The following ABCA6 variants were observed in gnomAD, a reference collection of about 807,000 sequenced individuals.
The protein encoded by ABCA6 is ATP-binding cassette sub-family A member 6.
Under a neutral mutation model 191.2 loss-of-function variants are expected in ABCA6, and 164 were observed. The ratio of observed to expected loss-of-function variants is 0.86; its 90% CI spans 0.76 to 0.98. The LOEUF is 0.98. Ranked by LOEUF, ABCA6 falls within the 50% of genes least tolerant of loss-of-function variation. The pLI is 0.00. For missense variants in ABCA6, 1,958 were observed against 1,894.1 expected (o/e 1.03, Z -0.63); for synonymous variants, 636 against 647.7 (o/e 0.98, Z 0.27).
At chr17:69,127,984 A>T (rs1212067909) in intron 8 of ABCA6, among the ~76,000 whole-genome samples, 1 of 152,166 alleles carries the variant, frequency 6.6e-6, no homozygotes, top group Non-Finnish European at 1.5e-5. Context: ...TGTTGAATGA[A>T]AAAAGAGATT....
Position 69,079,241 on chromosome 17 carries a change from T to C in ABCA6, c.4721A>G (p.Glu1574Gly). 6.2e-7 allele frequency: 1 copy of C among 1,607,708 alleles called. No homozygotes were observed. Among genetic ancestry groups the C allele is most frequent in the African/African-American group, 1.3e-5 (1 of 74,930 alleles). The change falls in exon 38 of 39, where the codon GAA (glutamate) becomes GGA (glycine). Residue 1574 changes from glutamate (E) to glycine (G), a missense_variant. Glu to Gly is a moderately conservative substitution (Grantham distance 98). Coordinates refer to ENST00000284425, the MANE Select transcript of ABCA6 (RefSeq NM_080284.3). ...EAVKHNFNLE[E>G]YSLSQCTLEK... ...CAGTGTGCACTGAGAAAGGCTGTAT[T>C]CTTCCAGGTTAAAGTTATGCTTCAC... is the stretch of plus-strand genomic sequence containing the variant.
chr17:69,115,388 C>G lies in ABCA6; in HGVS notation c.1594G>C (p.Val532Leu), dbSNP rs1179067788. 6.2e-7 allele frequency: 1 copy of G among 1,607,696 alleles called. No homozygotes were observed. Among genetic ancestry groups the G allele is most frequent in the Admixed American group, 1.7e-5 (1 of 59,610 alleles). Residue 532 changes from valine to leucine, a missense_variant, in exon 12 of 39, where the codon GTT becomes CTT. Physicochemically the swap from Val to Leu is conservative, Grantham distance 32 (BLOSUM62 1). Transcript: ENST00000284425. Reference sequence around the variant, plus strand: ...TCTTTTTACTCACCTTCTGTTGGAACAGACAATCCATTAAGAATATTTAGC... The same window carrying G: ...TCTTTTTACTCACCTTCTGTTGGAAGAGACAATCCATTAAGAATATTTAGC... Reference protein sequence around the residue: ...SLLNILNGLSVPTEGSVTIYN... With the variant: ...SLLNILNGLSLPTEGSVTIYN...
At chr17:69,113,034 T>A (rs1244373907) in intron 15 of ABCA6, 188 bp downstream of exon 15, 1 of 521,982 alleles carries the variant, frequency 1.9e-6, no homozygotes, top group Non-Finnish European at 3.0e-6. Flanking sequence ...TCATTAGTTG[T>A]CACTACCTAG....
intron 25 of ABCA6, among the ~76,000 whole-genome samples, chr17:69,093,329 GAAGTTA>G (rs2072970849): frequency 6.6e-6 from 1 of 152,116 alleles, no homozygotes; most frequent in African/African-American, 2.4e-5. Context: ...CACCTCCGCC[GAAGTTA>G]AAGTTAAAAG....
chr17:69,105,850 T>C, intron 19 of ABCA6, 178 bp downstream of exon 19: 1 of 767,292 alleles, frequency 1.3e-6, no homozygotes, highest in Admixed American at 3.1e-5. Context: ...CACCTGCACG[T>C]ATAAGCTTAA....
In ABCA6 at chr17:69,129,612, A is replaced by G. The variant is rs1450474756; in HGVS notation, c.931T>C (p.Leu311=). 1 of 1,587,640 alleles carries G rather than the reference A, an allele frequency of 6.3e-7. No individual in the cohort carries two copies. The highest frequency in any genetic ancestry group is 1.9e-5 in the Admixed American group (1 of 53,786). ...FILFFLYGLS[L]VALVFLMSVL... ...TGGTAATAAATGTATCAACTTACCAAAGATAAGCCATATAAAAAAAAGAGT... is the reference window on the plus strand; with the variant it reads ...TGGTAATAAATGTATCAACTTACCAGAGATAAGCCATATAAAAAAAAGAGT... The change falls in exon 7 of 39, where the codon TTG becomes CTG. Residue 311 remains leucine, a splice_region_variant and synonymous_variant. Transcript: ENST00000284425.
chr17:69,139,251 A>G (rs1322291901), intron 2 of ABCA6, among the ~76,000 whole-genome samples: 2 of 152,180 alleles, frequency 1.3e-5, no homozygotes, highest in Non-Finnish European at 2.9e-5. Context: ...AATTTACAAG[A>G]AAAAAACAAA....
At chr17:69,134,800 T>C (rs1364537362) in intron 4 of ABCA6, 58 bp from the exon 5 acceptor site, 5 of 1,209,044 alleles carry the variant, frequency 4.1e-6, no homozygotes, top group African/African-American at 3.0e-5. Context: ...TTGGAGAATA[T>C]GAAACAAGTA....
intron 23 of ABCA6, 129 bp downstream of exon 23, chr17:69,097,791 T>TATCTAAATTAA: frequency 1.6e-6 from 1 of 633,822 alleles, no homozygotes; most frequent in Non-Finnish European, 2.5e-6. Context: ...AGAATAAGGT[T>TATCTAAATTAA]TAGCTACAAT....
At chr17:69,139,737 C>T (rs1018835520) in intron 2 of ABCA6, among the ~76,000 whole-genome samples, 1 of 151,988 alleles carries the variant, frequency 6.6e-6, no homozygotes, top group African/African-American at 2.4e-5. Context: ...GAAAATGTGA[C>T]ACATATACAC....
At chr17:69,109,339 C>G (rs2073372362) in intron 17 of ABCA6, 1 of 151,930 alleles carries the variant, frequency 6.6e-6, no homozygotes, top group African/African-American at 2.4e-5. Flanking sequence ...TATATGAAAC[C>G]ATTAGAACAG....
rs376926698 is a variant in ABCA6, at chr17:69,097,908, G to C, written c.3120+12C>G. 1.1e-4 allele frequency: 175 copies of C among 1,554,640 alleles called. 1 individual carries two copies. Among genetic ancestry groups the C allele is most frequent in the Middle Eastern group, 1.7e-4 (1 of 5,808 alleles). ...ATTCCTGAAATTTCTTCTTTTCCCTGCTTTTTCTTACCTTGTAATCACTGA... is the reference window on the plus strand; with the variant it reads ...ATTCCTGAAATTTCTTCTTTTCCCTCCTTTTTCTTACCTTGTAATCACTGA... On this transcript the variant is annotated intron_variant, in intron 23 of 38. Transcript: ENST00000284425.
At chr17:69,092,108 AT>A (rs900521120) in intron 25 of ABCA6, among the ~76,000 whole-genome samples, 4 of 151,754 alleles carry the variant, frequency 2.6e-5, no homozygotes, top group East Asian at 3.9e-4. Flanking sequence ...TTATTTTACA[AT>A]TTTTTTTACT....
intron 20 of ABCA6, 49 bp downstream of exon 20, chr17:69,105,413 A>G (rs760239616): frequency 8.5e-6 from 13 of 1,526,146 alleles, no homozygotes; most frequent in Non-Finnish European, 1.2e-5. Context: ...GTGCTATTCA[A>G]CAATAAAAAT....
chr17:69,089,463 A>C lies in ABCA6; in HGVS notation c.3606+2T>G. The stretch of plus-strand genomic sequence containing the variant: ...TGTGCTGAGGTGGAAAGCCCTTCTT[A>C]CTATGAAGCAGACTAGAAAATCAGT... On this transcript the variant is annotated splice_donor_variant, in intron 27 of 38. Transcript: ENST00000284425. LOFTEE classifies it high-confidence loss of function. The C allele has an allele frequency of 1.2e-6, 2 of 1,613,456 alleles. No individual in the cohort carries two copies. The highest frequency in any genetic ancestry group is 3.3e-5 in the Admixed American group (2 of 60,002).
At chr17:69,084,986 C>T (rs374878517) in intron 32 of ABCA6, 42 bp downstream of exon 32, 3 of 1,564,784 alleles carry the variant, frequency 1.9e-6, no homozygotes, top group Admixed American at 4.1e-5. Flanking sequence ...GCTACAGTCT[C>T]CCTGCATTCT....
chr17:69,122,881 A>G (rs2073675612), intron 10 of ABCA6, among the ~76,000 whole-genome samples: 1 of 151,846 alleles, frequency 6.6e-6, no homozygotes, highest in African/African-American at 2.4e-5. Flanking sequence ...CTCCTTCAAT[A>G]TTTTGCCTCA....
intron 3 of ABCA6, among the ~76,000 whole-genome samples, chr17:69,137,086 C>T (rs1428263786): frequency 6.6e-6 from 1 of 152,066 alleles, no homozygotes; most frequent in African/African-American, 2.4e-5. Context: ...AAATATGGAC[C>T]TCCCTAAACT....
At chr17:69,098,235 CT>C (rs372624472) in intron 22 of ABCA6, 11 of 442,966 alleles carry the variant, frequency 2.5e-5, no homozygotes, top group Middle Eastern at 5.8e-4. Flanking sequence ...GGACCTACTT[CT>C]GGGGATATTT....
Sources: allele counts gnomAD v4.1 joint callset (sites outside exome capture counted in the v4.1 genomes callset), GRCh38; gene constraint gnomAD v4.1.1; transcripts MANE v1.5; gene names NCBI Gene and HGNC (gene_info 2026-07-23, HGNC 2026-07-21).